Variants in DOCK5 observed in about 807,000 individuals in gnomAD.
The protein encoded by DOCK5 is dedicator of cytokinesis protein 5.
A neutral mutation model predicts 251.8 loss-of-function variants in DOCK5; 142 were observed. The ratio of observed to expected loss-of-function variants is 0.56; its 90% CI spans 0.49 to 0.65. The LOEUF is 0.65. DOCK5 is among the 30% of genes least tolerant of loss of function. The probability of loss-of-function intolerance (pLI) is 0.00; values close to 1 mark genes in which losing one functional copy is unlikely to be tolerated. For synonymous variants in DOCK5, 842 were observed against 835.5 expected (o/e 1.01, Z -0.13); for missense variants, 2,111 against 2,312.3 (o/e 0.91, Z 1.79).
intron 1 of DOCK5, among the ~76,000 whole-genome samples, chr8:25,193,057 A>G (rs1221431312): frequency 2.6e-5 from 4 of 152,310 alleles, no homozygotes; most frequent in Admixed American, 6.5e-5. Context: ...CTGATACCCA[A>G]TGGAATCTTT....
intron 41 of DOCK5, 124 bp from the exon 42 acceptor site, chr8:25,390,082 T>C: frequency 1.5e-6 from 1 of 645,612 alleles, no homozygotes; most frequent in Non-Finnish European, 2.5e-6. Flanking sequence ...GTCCTGGCAT[T>C]GGGGTCAAAG....
intron 16 of DOCK5, among the ~76,000 whole-genome samples, chr8:25,322,937 C>T (rs1805464805): frequency 6.6e-6 from 1 of 152,194 alleles, no homozygotes; most frequent in Non-Finnish European, 1.5e-5. Flanking sequence ...AGTACTCCAA[C>T]ACTAGAATAG....
At chr8:25,321,925 A>G (rs1805435612) in intron 16 of DOCK5, among the ~76,000 whole-genome samples, 1 of 152,160 alleles carries the variant, frequency 6.6e-6, no homozygotes, top group Non-Finnish European at 1.5e-5. Context: ...GTAGCAAGAA[A>G]ACTCTTTATT....
intron 17 of DOCK5, among the ~76,000 whole-genome samples, chr8:25,324,211 G>C (rs1805499874): frequency 6.6e-6 from 1 of 152,170 alleles, no homozygotes; most frequent in East Asian, 1.9e-4. Context: ...GAGAGGTCCT[G>C]TGAATGGTGT....
At chr8:25,367,229 T>A (rs2271110) in intron 31 of DOCK5, among the ~76,000 whole-genome samples, 1 of 151,900 alleles carries the variant, frequency 6.6e-6, no homozygotes, top group Non-Finnish European at 1.5e-5. Flanking sequence ...GGCTGTCAGC[T>A]TGCCCATCCC....
At chr8:25,329,870 G>T (rs1235623521) in intron 18 of DOCK5, among the ~76,000 whole-genome samples, 2 of 152,168 alleles carry the variant, frequency 1.3e-5, no homozygotes, top group Non-Finnish European at 2.9e-5. Context: ...GGATAAACCT[G>T]TATAAATCTT....
chr8:25,277,018 G>C (rs1424450117), intron 4 of DOCK5: 3 of 152,240 alleles, frequency 2.0e-5, no homozygotes, highest in African/African-American at 7.2e-5. Context: ...GTTTTACTTT[G>C]TGTGGGAGCC....
chr8:25,383,640 ACGTCAGGGGTT>A (rs373697564), intron 40 of DOCK5, among the ~76,000 whole-genome samples: 4 of 152,296 alleles, frequency 2.6e-5, no homozygotes, highest in African/African-American at 9.6e-5. Context: ...AGATCACTTG[ACGTCAGGGGTT>A]CGAGACCAGT....
In DOCK5 at chr8:25,393,362, C is replaced by T. The variant is rs954259; in HGVS notation, c.4527+480C>T. Among the ~76,000 whole-genome samples, 151 of 152,106 alleles carry T rather than the reference C, an allele frequency of 9.9e-4. 2 individuals are homozygous for T. The South Asian group carries it at 0.031, about 31-fold the overall frequency. ...CCTCCTCATTGGCCTCCCTGCCATG[C>T]ATGGCCTTCTCAGGTCCAGTTACCT... On this transcript the variant is annotated intron_variant, in intron 44 of 51. Coordinates refer to ENST00000276440, the MANE Select transcript of DOCK5 (RefSeq NM_024940.8).
chr8:25,323,886 G>T lies in DOCK5; in HGVS notation c.1654G>T (p.Val552Leu). The T allele has an allele frequency of 6.2e-7, 1 of 1,613,518 alleles. No individual in the cohort carries two copies. The highest frequency in any genetic ancestry group is 1.1e-5 in the South Asian group (1 of 90,900). ...KSERAFGVAF[V>L]KLMNPDGTTL... ...GGAGCGAGCATTTGGGGTGGCCTTC[G>T]TGAAGCTGATGAACCCGGATGGCAC... The change falls in exon 17 of 52, where the codon GTG becomes TTG. Residue 552 changes from valine (V) to leucine (L), a missense_variant. Transcript: ENST00000276440.
chr8:25,391,812 A>C, intron 42 of DOCK5, 84 bp from the exon 43 acceptor site: 1 of 1,203,710 alleles, frequency 8.3e-7, no homozygotes, highest in East Asian at 2.6e-5. Flanking sequence ...GACCAGGCAG[A>C]TGTGTTATAG....
intron 2 of DOCK5, among the ~76,000 whole-genome samples, chr8:25,254,988 A>G (rs995256939): frequency 1.3e-5 from 2 of 152,170 alleles, no homozygotes; most frequent in East Asian, 3.9e-4. Flanking sequence ...GAGAATTGAA[A>G]ATTAAAGTAA....
intron 43 of DOCK5, 35 bp from the exon 44 acceptor site, chr8:25,392,761 T>TGA: frequency 6.4e-7 from 1 of 1,567,150 alleles, no homozygotes; most frequent in Non-Finnish European, 8.8e-7. Flanking sequence ...TCCTGGGAAT[T>TGA]GACCAACATT....
chr8:25,191,397 G>C (rs975045155), intron 1 of DOCK5, among the ~76,000 whole-genome samples: 3 of 152,118 alleles, frequency 2.0e-5, no homozygotes, highest in African/African-American at 7.2e-5. Flanking sequence ...AAGTGTTTTT[G>C]TTTGAGAAAA....
In DOCK5 at chr8:25,323,840, C is replaced by T. The variant is rs2666174; in HGVS notation, c.1616-8C>T. 1 allele frequency: 1,610,338 copies of T among 1,611,854 alleles called. 804,419 individuals carry two copies. The highest frequency in any genetic ancestry group is 1 in the East Asian group (44,798 of 44,798). On this transcript the variant is annotated splice_polypyrimidine_tract_variant and splice_region_variant and intron_variant, in intron 16 of 51. Coordinates refer to ENST00000276440, the MANE Select transcript of DOCK5 (RefSeq NM_024940.8). ...GCACTGCTCAGACATGTCTTTCTGC[C>T]TTTTCAGCCAGAGATAAATCGGAGC...
intron 12 of DOCK5, among the ~76,000 whole-genome samples, chr8:25,310,168 C>T (rs1296289196): frequency 6.6e-6 from 1 of 152,064 alleles, no homozygotes; most frequent in Non-Finnish European, 1.5e-5. Flanking sequence ...CTGGTAGGGT[C>T]TATCTTTACC....
chr8:25,348,256 G>A (rs915269580), intron 26 of DOCK5, among the ~76,000 whole-genome samples: 1 of 151,950 alleles, frequency 6.6e-6, no homozygotes, highest in Admixed American at 6.6e-5. Context: ...GCTCTGTTTT[G>A]GAATTGTCCT....
chr8:25,397,234 G>GAAGAAA (rs1270086539), intron 45 of DOCK5, among the ~76,000 whole-genome samples: 1 of 151,194 alleles, frequency 6.6e-6, no homozygotes, highest in Non-Finnish European at 1.5e-5. Context: ...AAAAAAAAAA[G>GAAGAAA]AAGAAAAATG....
rs539492074 is a variant in DOCK5 at position 25,323,385 on chromosome 8, T to C, written c.1616-463T>C. ...AAGCAGCGTGGTTGACATGATTGGA[T>C]TGGACTTTGGAAACCTCATTCCAAC... On this transcript the variant is annotated intron_variant, in intron 16 of 51. Coordinates refer to ENST00000276440, the MANE Select transcript of DOCK5 (RefSeq NM_024940.8). Among the ~76,000 whole-genome samples, 3 of 152,302 alleles carry C rather than the reference T, an allele frequency of 2.0e-5. No homozygotes were observed. In the East Asian group the frequency reaches 5.8e-4, roughly 29 times the overall value.
Sources: gnomAD v4.1 joint callset for allele counts (sites outside exome capture counted in the v4.1 genomes callset) on GRCh38, gnomAD v4.1.1 for gene constraint, MANE v1.5 for transcripts, NCBI Gene and HGNC (gene_info 2026-07-23, HGNC 2026-07-21) for gene names.